The following CARD8 variants were observed in gnomAD, a reference collection of about 807,000 sequenced individuals.
CARD8 encodes the protein caspase recruitment domain family member 8, also known as caspase recruitment domain-containing protein 8.
A neutral mutation model predicts 53.2 loss-of-function variants in CARD8; 38 were observed. The observed-to-expected ratio is 0.71, with a 90% CI of 0.55 to 0.94. The LOEUF (loss-of-function observed/expected upper bound fraction) is 0.94, where lower values mean the gene tolerates loss of function less well. Among genes scored for constraint, CARD8 ranks in the 40% least tolerant of loss-of-function variants. CARD8 has a pLI of 0.00. For synonymous variants in CARD8, 245 were observed against 244.9 expected (o/e 1.00, Z 0.00); for missense variants, 561 against 655.5 (o/e 0.86, Z 1.57).
chr19:48,232,362 A>G, intron 7 of CARD8, 91 bp downstream of exon 7: 1 of 1,252,734 alleles, frequency 8.0e-7, no homozygotes, highest in Admixed American at 2.0e-5. Flanking sequence ...TGATCTGCAC[A>G]AAAGACTCTA....
chr19:48,225,788 C>T (rs1195365896), intron 10 of CARD8, among the ~76,000 whole-genome samples: 1 of 152,120 alleles, frequency 6.6e-6, no homozygotes, highest in South Asian at 2.1e-4. Context: ...CACAGTGGCT[C>T]ACACCTGTAA....
chr19:48,231,405 A>C (rs1428502412), intron 8 of CARD8, among the ~76,000 whole-genome samples: 1 of 152,082 alleles, frequency 6.6e-6, no homozygotes, highest in Non-Finnish European at 1.5e-5. Flanking sequence ...CCTGGGTTCA[A>C]GAGATTCTCC....
In CARD8 at chr19:48,209,814, T is replaced by C. The variant is rs2037723194; in HGVS notation, c.*1896A>G. The C allele has an allele frequency of 1.3e-5, 2 of 152,344 alleles. No homozygotes were observed. The highest frequency in any genetic ancestry group is 4.1e-4 in the South Asian group (2 of 4,830). The allele number at this position is 152,344 out of a possible 1,614,324, so 9.4% of individuals were successfully genotyped here. A position where few individuals can be genotyped will look rare whatever the true frequency, so the allele number is the denominator to read the frequency against. On this transcript the variant is annotated 3_prime_UTR_variant, in exon 14 of 14. Coordinates refer to ENST00000651546, the MANE Select transcript of CARD8 (RefSeq NM_001184900.3). ...GTAGCAAAGCATATGAATTTTACAG[T>C]AGAAGACATGAGAAGGATATAAAAG... is the stretch of plus-strand genomic sequence containing the variant.
At chr19:48,231,889 G>A in intron 7 of CARD8, 79 bp from the exon 8 acceptor site, 1 of 1,259,926 alleles carries the variant, frequency 7.9e-7, no homozygotes, top group Non-Finnish European at 1.2e-6. Flanking sequence ...AGGCTGAATT[G>A]CACAGGTGCT....
intron 1 of CARD8, among the ~76,000 whole-genome samples, chr19:48,255,054 C>T (rs1013634406): frequency 6.6e-6 from 1 of 152,162 alleles, no homozygotes; most frequent in Non-Finnish European, 1.5e-5. Context: ...TTCCCAATTG[C>T]AATGCTCTAT....
chr19:48,239,970 T>C (rs973273805), intron 4 of CARD8, among the ~76,000 whole-genome samples: 2 of 152,156 alleles, frequency 1.3e-5, no homozygotes, highest in African/African-American at 4.8e-5. Context: ...GGTTCCTTCA[T>C]GAGGGAACTA....
At chr19:48,233,042 C>T in intron 6 of CARD8, 1 of 352,478 alleles carries the variant, frequency 2.8e-6, no homozygotes. Context: ...CATTTATATT[C>T]CAAGGTAATT....
rs1029177879 is a variant in CARD8, at chr19:48,232,583, C to T, written c.351-90G>A. 7 of 1,098,996 alleles carry T rather than the reference C, an allele frequency of 6.4e-6. No homozygotes were observed. The African/African-American group carries it at 9.3e-5, about 15-fold the overall frequency. 68.1% of individuals were successfully genotyped at this position (1,098,996 alleles called of 1,614,324 possible). The stretch of plus-strand genomic sequence containing the variant: ...AAGACGATGTTATTGAAAACTAGAG[C>T]TGCACTGTCCCGTAGAGTAGCCGCT... On this transcript the variant is annotated intron_variant, in intron 6 of 13. Transcript: ENST00000651546.
intron 10 of CARD8, among the ~76,000 whole-genome samples, chr19:48,229,823 T>C (rs1380702663): frequency 6.6e-6 from 1 of 152,118 alleles, no homozygotes; most frequent in Non-Finnish European, 1.5e-5. Flanking sequence ...ATTTAAAATT[T>C]GGTGAGAGGC....
chr19:48,252,803 G>GTATA (rs370220292), intron 1 of CARD8, among the ~76,000 whole-genome samples: 9,041 of 60,606 alleles, frequency 0.15, 848 homozygotes, highest in African/African-American at 0.36. Context: ...GGCCTTATCA[G>GTATA]TATATACACA....
intron 1 of CARD8, among the ~76,000 whole-genome samples, chr19:48,254,284 T>C (rs1466287626): frequency 1.3e-5 from 2 of 152,182 alleles, no homozygotes; most frequent in Non-Finnish European, 2.9e-5. Flanking sequence ...TGAGAAAAGT[T>C]AGCTCATATT....
At chr19:48,235,893 T>G (rs1454340682) in intron 5 of CARD8, among the ~76,000 whole-genome samples, 1 of 152,010 alleles carries the variant, frequency 6.6e-6, no homozygotes, top group East Asian at 1.9e-4. Context: ...GAAGACAACT[T>G]TTGTCTAAAA....
Position 48,230,440 on chromosome 19 carries a change from T to C in CARD8, c.1033A>G (p.Lys345Glu), listed in dbSNP as rs1298850889. 4.4e-6 allele frequency: 7 copies of C among 1,602,198 alleles called. No individual in the cohort carries two copies. In the African/African-American group the frequency reaches 6.7e-5, roughly 15 times the overall value. The change falls in exon 10 of 14, where the codon AAG becomes GAG. Residue 345 changes from lysine to glutamate, a missense_variant and splice_region_variant. Lys to Glu is a moderately conservative substitution (Grantham distance 56, BLOSUM62 1). Coordinates refer to ENST00000651546, the MANE Select transcript of CARD8 (RefSeq NM_001184900.3). ...YLVPSDALLT[K>E]AIDDEEDRFH... ...GTCTCCTAAATCACTCAGCTTACCT[T>C]TGTTAGCAAGGCGTCGCTGGGGACA...
intron 3 of CARD8, among the ~76,000 whole-genome samples, chr19:48,245,853 C>T (rs904318421): frequency 1.4e-5 from 2 of 147,806 alleles, no homozygotes; most frequent in Admixed American, 1.4e-4. Context: ...AATTGCATAT[C>T]TACATTTAAT....
intron 6 of CARD8, chr19:48,232,879 G>A: frequency 6.9e-6 from 3 of 432,988 alleles, no homozygotes; most frequent in South Asian, 5.1e-5. Context: ...AGCCAAATGT[G>A]TCTTGACATC....
chr19:48,206,178 G>T (rs991683332), downstream of CARD8, among the ~76,000 whole-genome samples: 2 of 152,140 alleles, frequency 1.3e-5, no homozygotes, highest in Admixed American at 1.3e-4. Context: ...GATTACAGCC[G>T]TGAGCCATCG....
At chr19:48,222,712 T>A (rs569154618) in intron 10 of CARD8, among the ~76,000 whole-genome samples, 300 of 151,628 alleles carry the variant, frequency 2.0e-3, no homozygotes, top group African/African-American at 6.8e-3. Flanking sequence ...AAAATCTATC[T>A]GAGCAGCCAT....
At chr19:48,229,415 T>C (rs1484356985) in intron 10 of CARD8, among the ~76,000 whole-genome samples, 1 of 152,190 alleles carries the variant, frequency 6.6e-6, no homozygotes, top group East Asian at 1.9e-4. Context: ...CTGGAATGTA[T>C]GTATTTCTGG....
downstream of CARD8, chr19:48,204,391 G>C (rs1009613892): frequency 1.2e-5 from 4 of 337,014 alleles, no homozygotes; most frequent in Admixed American, 4.0e-5. Context: ...ATGTTTTCAA[G>C]GACAGGGAGT....
Sources: gnomAD v4.1 joint callset for allele counts (sites outside exome capture counted in the v4.1 genomes callset) on GRCh38, gnomAD v4.1.1 for gene constraint, MANE v1.5 for transcripts, NCBI Gene and HGNC (gene_info 2026-07-23, HGNC 2026-07-21) for gene names.